Variants in CACNA2D3 observed in about 807,000 individuals in gnomAD.
The protein encoded by CACNA2D3 is voltage-dependent calcium channel subunit alpha-2/delta-3.
CACNA2D3 carries 60 observed loss-of-function variants against 160.6 expected under a neutral mutation model. That is an observed-to-expected ratio of 0.37 (90% confidence interval 0.30 to 0.46). CACNA2D3 has a LOEUF of 0.46. Ranked by LOEUF, CACNA2D3 falls within the 20% of genes least tolerant of loss-of-function variation. CACNA2D3 has a pLI of 1.00. For synonymous variants in CACNA2D3, 558 were observed against 492.9 expected (o/e 1.13, Z -1.75); for missense variants, 1,205 against 1,365.0 (o/e 0.88, Z 1.85).
intron 35 of CACNA2D3, among the ~76,000 whole-genome samples, chr3:55,020,647 T>G (rs1703427501): frequency 6.6e-6 from 1 of 151,900 alleles, no homozygotes; most frequent in Middle Eastern, 3.4e-3. Flanking sequence ...GTCAGGAGTT[T>G]GAGACCAGCC....
intron 8 of CACNA2D3, among the ~76,000 whole-genome samples, chr3:54,572,647 G>T (rs1160692988): frequency 6.6e-6 from 1 of 152,176 alleles, no homozygotes; most frequent in African/African-American, 2.4e-5. Flanking sequence ...TGGCCTTGAG[G>T]CATAGTTCTT....
At chr3:54,226,153 G>T (rs947892954) in intron 2 of CACNA2D3, among the ~76,000 whole-genome samples, 5 of 152,062 alleles carry the variant, frequency 3.3e-5, no homozygotes, top group Non-Finnish European at 7.4e-5. Context: ...TGATAGGTCT[G>T]TTTCGGTTTT....
In CACNA2D3 at chr3:54,227,969, CTCCT is replaced by C. The variant is rs1189199774; in HGVS notation, c.205-92471_205-92468del. Among the ~76,000 whole-genome samples, 3 of 152,290 alleles carry C rather than the reference CTCCT, an allele frequency of 2.0e-5. No homozygotes were observed. The East Asian group carries it at 5.8e-4, about 29-fold the overall frequency. On this transcript the variant is annotated intron_variant, in intron 2 of 37. Transcript: ENST00000474759. ...GACTTGCATTGGAAAGCAAATGGAG[CTCCT>C]TTCTTGGTTGAGTACTTTGTTCTTT...
intron 4 of CACNA2D3, among the ~76,000 whole-genome samples, chr3:54,392,150 A>G (rs1021887202): frequency 2.0e-5 from 3 of 152,222 alleles, no homozygotes; most frequent in Non-Finnish European, 4.4e-5. Context: ...GCAAAACCCA[A>G]TTCCAGGTGG....
chr3:54,669,428 C>G (rs1700120461), intron 11 of CACNA2D3, among the ~76,000 whole-genome samples: 1 of 152,126 alleles, frequency 6.6e-6, no homozygotes, highest in Admixed American at 6.5e-5. Flanking sequence ...TTCATATTTT[C>G]CTGGTGGTTC....
intron 14 of CACNA2D3, among the ~76,000 whole-genome samples, chr3:54,820,272 C>G (rs1194792958): frequency 1.3e-5 from 2 of 152,144 alleles, no homozygotes; most frequent in Non-Finnish European, 2.9e-5. Flanking sequence ...ATTTAAATCT[C>G]TTGGCTGATC....
intron 6 of CACNA2D3, among the ~76,000 whole-genome samples, chr3:54,566,578 C>T (rs377699232): frequency 6.7e-6 from 1 of 148,198 alleles, no homozygotes; most frequent in Admixed American, 6.7e-5. Context: ...GTACTCTTAC[C>T]TACATAAAGA....
rs1217836591 is a variant in CACNA2D3 at position 54,736,037 on chromosome 3, A to G, written c.1168-16562A>G. On this transcript the variant is annotated intron_variant, in intron 11 of 37. Transcript: ENST00000474759. ...TATATACACATACATATATATATGTATATATATACACATACATATGTATGT... is the reference window on the plus strand; with the variant it reads ...TATATACACATACATATATATATGTGTATATATACACATACATATGTATGT... 4.5e-4 allele frequency among the ~76,000 whole-genome samples: 21 copies of G among 47,188 alleles called. 1 individual carries two copies. Among genetic ancestry groups the G allele is most frequent in the African/African-American group, 6.8e-4 (10 of 14,804 alleles). The allele number at this position is 47,188 out of a possible 152,430, so 31.0% of individuals were successfully genotyped here.
chr3:54,376,732 A>G (rs563877702), intron 3 of CACNA2D3, among the ~76,000 whole-genome samples: 7 of 152,186 alleles, frequency 4.6e-5, no homozygotes, highest in Admixed American at 1.3e-4. Flanking sequence ...ATTAGTGGAC[A>G]TTTACTCAAT....
intron 4 of CACNA2D3, among the ~76,000 whole-genome samples, chr3:54,498,365 T>G (rs1195171781): frequency 6.6e-6 from 1 of 152,006 alleles, no homozygotes; most frequent in Admixed American, 6.6e-5. Context: ...TTGAACTTAT[T>G]GGCATAAAGT....
intron 4 of CACNA2D3, among the ~76,000 whole-genome samples, chr3:54,432,678 G>A (rs576534463): frequency 1.3e-5 from 2 of 152,118 alleles, no homozygotes; most frequent in African/African-American, 2.4e-5. Flanking sequence ...GAGGCTTTCA[G>A]CATATGCATA....
chr3:54,307,517 C>T (rs753572358), intron 2 of CACNA2D3, among the ~76,000 whole-genome samples: 1 of 152,154 alleles, frequency 6.6e-6, no homozygotes, highest in Non-Finnish European at 1.5e-5. Context: ...CGTCTCCCCA[C>T]CTTTTCACAG....
At chr3:54,701,310 T>C (rs1315321959) in intron 11 of CACNA2D3, among the ~76,000 whole-genome samples, 2 of 152,170 alleles carry the variant, frequency 1.3e-5, no homozygotes, top group East Asian at 1.9e-4. Context: ...AAACTAGTGA[T>C]CTTAATGAAA....
chr3:54,470,044 A>G (rs2106871092), intron 4 of CACNA2D3, among the ~76,000 whole-genome samples: 1 of 152,336 alleles, frequency 6.6e-6, no homozygotes, highest in South Asian at 2.1e-4. Flanking sequence ...CAATCTAGCA[A>G]GACAGGCTAA....
chr3:54,748,170 A>G (rs988119301), intron 11 of CACNA2D3, among the ~76,000 whole-genome samples: 4 of 152,208 alleles, frequency 2.6e-5, no homozygotes, highest in African/African-American at 9.6e-5. Context: ...TGCAGGCAGC[A>G]GCAGCCTATT....
At chr3:54,264,861 T>C (rs113908975) in intron 2 of CACNA2D3, among the ~76,000 whole-genome samples, 17 of 152,348 alleles carry the variant, frequency 1.1e-4, no homozygotes, top group African/African-American at 4.1e-4. Flanking sequence ...TGTGATACTT[T>C]GCTGAGAATG....
intron 10 of CACNA2D3, chr3:54,637,675 C>T (rs898182223): frequency 1.3e-5 from 2 of 151,918 alleles, no homozygotes; most frequent in East Asian, 1.9e-4. Context: ...CGGACTTACC[C>T]TCCACTGTGA....
intron 2 of CACNA2D3, among the ~76,000 whole-genome samples, chr3:54,152,413 G>T (rs777382210): frequency 6.6e-6 from 1 of 152,188 alleles, no homozygotes; most frequent in East Asian, 1.9e-4. Flanking sequence ...ATCCATGAGC[G>T]ACTTTGTCTT....
chr3:54,299,285 C>T (rs1392419999), intron 2 of CACNA2D3, among the ~76,000 whole-genome samples: 2 of 152,048 alleles, frequency 1.3e-5, no homozygotes, highest in African/African-American at 4.8e-5. Context: ...CAGGGCCCCA[C>T]ACCACACTCC....
Sources: gnomAD v4.1 joint callset for allele counts (sites outside exome capture counted in the v4.1 genomes callset) on GRCh38, gnomAD v4.1.1 for gene constraint, MANE v1.5 for transcripts, NCBI Gene and HGNC (gene_info 2026-07-23, HGNC 2026-07-21) for gene names.